The following ARHGAP42 variants were observed in gnomAD, a reference collection of about 807,000 sequenced individuals.
ARHGAP42 encodes rho GTPase-activating protein 42.
Under a neutral mutation model 125.0 loss-of-function variants are expected in ARHGAP42, and 63 were observed. The ratio of observed to expected loss-of-function variants is 0.50; its 90% CI spans 0.41 to 0.62. The LOEUF (loss-of-function observed/expected upper bound fraction) is 0.62. ARHGAP42 is among the 20% of genes least tolerant of loss of function. ARHGAP42 has a pLI of 0.00. For synonymous variants in ARHGAP42, 339 were observed against 351.0 expected (o/e 0.97, Z 0.38); for missense variants, 766 against 1,024.2 (o/e 0.75, Z 3.44).
intron 17 of ARHGAP42, among the ~76,000 whole-genome samples, chr11:100,966,502 G>A (rs561907452): frequency 7.2e-4 from 110 of 152,122 alleles, no homozygotes; most frequent in African/African-American, 2.6e-3. Context: ...TCTTACTCTG[G>A]GAACTCAGTT....
chr11:100,726,233 T>G (rs1313498041), intron 1 of ARHGAP42, among the ~76,000 whole-genome samples: 3 of 152,206 alleles, frequency 2.0e-5, no homozygotes, highest in Non-Finnish European at 4.4e-5. Flanking sequence ...ATTCTGCCCT[T>G]TTCAGAAAGT....
At chr11:100,986,006 T>C in intron 22 of ARHGAP42, 1 of 456,466 alleles carries the variant, frequency 2.2e-6, no homozygotes, top group South Asian at 1.5e-5. Flanking sequence ...GCCCTGAATC[T>C]TTAAAAAGAC....
chr11:100,992,216 C>A lies in ARHGAP42; in HGVS notation c.*3415C>A. ...TTTAGCATTTAGAACCCCAACTAGA[C>A]TTATACTTTGACTAAAGTCAGAGGC... is the stretch of plus-strand genomic sequence containing the variant. On this transcript the variant is annotated 3_prime_UTR_variant, in exon 24 of 24. Transcript: ENST00000298815. The A allele has an allele frequency of 7.1e-7, 1 of 1,404,720 alleles. No homozygotes were observed. The highest frequency in any genetic ancestry group is 9.6e-7 in the Non-Finnish European group (1 of 1,043,224). The allele number at this position is 1,404,720 out of a possible 1,614,324, so 87.0% of individuals were successfully genotyped here.
In ARHGAP42 at chr11:100,723,177, A is replaced by G. The variant is rs73003873; in HGVS notation, c.154+35345A>G. Among the ~76,000 whole-genome samples, 1,476 of 152,234 alleles carry G rather than the reference A, an allele frequency of 9.7e-3. 10 individuals carry two copies. The highest frequency in any genetic ancestry group is 0.015 in the Admixed American group (235 of 15,300). On this transcript the variant is annotated intron_variant, in intron 1 of 23. Transcript: ENST00000298815. The stretch of plus-strand genomic sequence containing the variant: ...CTTTTACCAATATCACACAATCTTG[A>G]GTACTTTAGATTTATGGTGAGTCTT...
intron 5 of ARHGAP42, among the ~76,000 whole-genome samples, chr11:100,917,493 C>T (rs894343530): frequency 8.5e-5 from 13 of 152,106 alleles, no homozygotes; most frequent in Non-Finnish European, 1.6e-4. Context: ...TCTTGCACCT[C>T]ACCCTCTTTT....
chr11:100,875,107 C>CTCTCTGTG (rs1384655603), intron 4 of ARHGAP42, among the ~76,000 whole-genome samples: 35 of 82,346 alleles, frequency 4.3e-4, no homozygotes, highest in South Asian at 5.2e-4. Flanking sequence ...CTCTCTCTCT[C>CTCTCTGTG]TGTGTGTGTG....
chr11:100,710,393 A>ATT (rs757284837), intron 1 of ARHGAP42, among the ~76,000 whole-genome samples: 5,722 of 138,278 alleles, frequency 0.041, 234 homozygotes, highest in East Asian at 0.22. Flanking sequence ...TGCCTGGCTA[A>ATT]TTTTTTTTTT....
chr11:100,976,479 T>C (rs959311346), intron 20 of ARHGAP42, 42 bp downstream of exon 20: 1 of 1,482,694 alleles, frequency 6.7e-7, no homozygotes, highest in African/African-American at 1.4e-5. Context: ...ATTGTCTCAG[T>C]GTCACTTGTG....
At chr11:100,728,515 G>A (rs1211643277) in intron 1 of ARHGAP42, among the ~76,000 whole-genome samples, 1 of 151,806 alleles carries the variant, frequency 6.6e-6, no homozygotes, top group Non-Finnish European at 1.5e-5. Flanking sequence ...CTCAGATATG[G>A]TTGCTGGCTG....
intron 16 of ARHGAP42, among the ~76,000 whole-genome samples, chr11:100,964,753 C>T (rs889202723): frequency 4.6e-5 from 7 of 152,112 alleles, no homozygotes; most frequent in African/African-American, 9.7e-5. Flanking sequence ...TTACATTTAC[C>T]GTTGTCATTA....
chr11:100,741,140 C>T (rs1309484885), intron 1 of ARHGAP42, among the ~76,000 whole-genome samples: 1 of 152,184 alleles, frequency 6.6e-6, no homozygotes, highest in East Asian at 1.9e-4. Context: ...AAGCGATTCT[C>T]CTGCCTCAGC....
chr11:100,715,447 C>T (rs546672203), intron 1 of ARHGAP42, among the ~76,000 whole-genome samples: 7 of 152,274 alleles, frequency 4.6e-5, no homozygotes, highest in Admixed American at 3.9e-4. Context: ...GACTTCATTT[C>T]TCCCAGGCAG....
At chr11:100,931,983 A>C (rs528665452) in intron 6 of ARHGAP42, among the ~76,000 whole-genome samples, 2 of 152,320 alleles carry the variant, frequency 1.3e-5, no homozygotes, top group African/African-American at 4.8e-5. Context: ...TTTTGGTATA[A>C]TATCAGGACT....
At chr11:100,766,265 T>C (rs7105842) in intron 1 of ARHGAP42, among the ~76,000 whole-genome samples, 39,106 of 151,646 alleles carry the variant, frequency 0.26, 5,296 homozygotes, top group Non-Finnish European at 0.29. Flanking sequence ...ATGTGAAGTA[T>C]CTTTACCTTG....
intron 4 of ARHGAP42, among the ~76,000 whole-genome samples, chr11:100,867,161 G>A (rs1865588223): frequency 6.6e-6 from 1 of 152,194 alleles, no homozygotes; most frequent in Non-Finnish European, 1.5e-5. Flanking sequence ...TAAGATTTCT[G>A]GAATGGTAAA....
At chr11:100,960,868 C>G in intron 13 of ARHGAP42, 47 bp from the exon 14 acceptor site, 1 of 1,292,934 alleles carries the variant, frequency 7.7e-7, no homozygotes, top group Non-Finnish European at 1.1e-6. Context: ...TCTGTACTTG[C>G]CAAGCTGTAT....
chr11:100,942,410 T>C (rs1324518680), intron 9 of ARHGAP42, among the ~76,000 whole-genome samples: 1 of 152,172 alleles, frequency 6.6e-6, no homozygotes, highest in East Asian at 1.9e-4. Context: ...AGGTCTCACA[T>C]GGCTAGTGAA....
intron 5 of ARHGAP42, among the ~76,000 whole-genome samples, chr11:100,913,873 T>C (rs1013314584): frequency 6.6e-6 from 1 of 152,194 alleles, no homozygotes; most frequent in Non-Finnish European, 1.5e-5. Flanking sequence ...ATCTCTGACA[T>C]TGATTTTAAG....
intron 1 of ARHGAP42, among the ~76,000 whole-genome samples, chr11:100,763,576 C>T (rs1565203733): frequency 6.6e-6 from 1 of 152,098 alleles, no homozygotes. Context: ...CAACCTCCGC[C>T]CCCCGGGTTC....
Sources: gnomAD v4.1 joint callset for allele counts (sites outside exome capture counted in the v4.1 genomes callset) on GRCh38, gnomAD v4.1.1 for gene constraint, MANE v1.5 for transcripts, NCBI Gene and HGNC (gene_info 2026-07-23, HGNC 2026-07-21) for gene names.